Variants in ERMP1 observed in about 807,000 individuals in gnomAD.
ERMP1 encodes endoplasmic reticulum metallopeptidase 1, also known as Felix-ina.
Under a neutral mutation model 92.0 loss-of-function variants are expected in ERMP1, and 86 were observed. That is an observed-to-expected ratio of 0.93 (90% CI 0.79 to 1.12). The LOEUF (loss-of-function observed/expected upper bound fraction) is 1.12, where lower values mean the gene tolerates loss of function less well. Ranked by LOEUF, ERMP1 falls within the 50% of genes most tolerant of loss-of-function variation. The probability of loss-of-function intolerance (pLI) is 0.00; values close to 1 mark genes in which losing one functional copy is unlikely to be tolerated. For synonymous variants in ERMP1, 530 were observed against 412.8 expected, an observed-to-expected ratio of 1.28 and a Z score of -3.44; for missense variants, 1,342 against 1,116.3, an observed-to-expected ratio of 1.20 and a Z score of -2.88.
chr9:5,860,195 C>T (rs1830444437), intron 5 of ERMP1, among the ~76,000 whole-genome samples: 1 of 150,222 alleles, frequency 6.7e-6, no homozygotes, highest in African/African-American at 2.5e-5. Flanking sequence ...GTCCCAGCTA[C>T]TTGGGAGGCT....
chr9:5,863,887 A>G (rs1031574747), intron 5 of ERMP1, among the ~76,000 whole-genome samples: 6 of 152,168 alleles, frequency 3.9e-5, no homozygotes, highest in African/African-American at 1.4e-4. Context: ...ATATTTACCT[A>G]TATCATTTTT....
In ERMP1 at chr9:5,831,105, C is replaced by A. The variant is rs1586826285; in HGVS notation, c.339-77G>T. On this transcript the variant is annotated intron_variant, in intron 1 of 14. Coordinates refer to ENST00000339450, the MANE Select transcript of ERMP1 (RefSeq NM_024896.3). ...GCGTGGGTAACTTTTCCACTACACA[C>A]CCCTTCCTCCCCAAAAAAGCTTAGT... 9 of 1,095,492 alleles carry A rather than the reference C, an allele frequency of 8.2e-6. No individual in the cohort carries two copies. The South Asian group carries it at 9.2e-5, about 11-fold the overall frequency. The allele number at this position is 1,095,492 out of a possible 1,614,324, so 67.9% of individuals were successfully genotyped here.
intron 11 of ERMP1, among the ~76,000 whole-genome samples, chr9:5,799,656 T>C (rs115157791): frequency 5.2e-4 from 79 of 152,352 alleles, no homozygotes; most frequent in African/African-American, 1.8e-3. Flanking sequence ...TTGGGTATAC[T>C]CTGTTGCTGC....
upstream of ERMP1, among the ~76,000 whole-genome samples, chr9:5,835,016 TGTGTGTGTGA>T (rs1196808986): frequency 3.4e-5 from 5 of 148,852 alleles, no homozygotes; most frequent in African/African-American, 1.2e-4. Flanking sequence ...TGTGTGTGTG[TGTGTGTGTGA>T]AAGATCCTCA....
chr9:5,798,723 TG>T, intron 12 of ERMP1, 82 bp downstream of exon 12: 1 of 816,164 alleles, frequency 1.2e-6, no homozygotes, highest in Non-Finnish European at 2.0e-6. Flanking sequence ...TATTAAAGGA[TG>T]GCAGTTTAAA....
At position 5,805,165 on chromosome 9, in the gene ERMP1, A is replaced by G. The variant is rs762242974; in HGVS notation, c.1776T>C (p.Tyr592=). The change falls in exon 10 of 15, where the codon TAT becomes TAC. Residue 592 remains tyrosine (Y), a synonymous_variant. Transcript: ENST00000339450. ...CCCAGATGAGGTACAATGCATAAAG[A>G]TAAGGAATAAACATCCCCAAAAGGT... ...AFYLLGMFIP[Y]LYALYLIWAV... 1.2e-6 allele frequency: 2 copies of G among 1,613,472 alleles called. No individual in the cohort carries two copies. Among genetic ancestry groups the G allele is most frequent in the Non-Finnish European group, 1.7e-6 (2 of 1,179,874 alleles).
intron 13 of ERMP1, among the ~76,000 whole-genome samples, chr9:5,793,762 G>C (rs1175769053): frequency 1.3e-5 from 2 of 152,082 alleles, no homozygotes; most frequent in East Asian, 3.8e-4. Flanking sequence ...TCTTTAATTT[G>C]TATGTAGCTA....
intron 2 of ERMP1, among the ~76,000 whole-genome samples, chr9:5,827,319 A>G (rs1829763477): frequency 6.6e-6 from 1 of 152,216 alleles, no homozygotes; most frequent in East Asian, 1.9e-4. Context: ...CTTGGGCCAC[A>G]TATAAAAGAC....
intron 13 of ERMP1, 53 bp downstream of exon 13, chr9:5,797,764 A>G (rs1828492914): frequency 9.2e-7 from 1 of 1,090,356 alleles, no homozygotes; most frequent in Non-Finnish European, 1.4e-6. Context: ...CATGCCACTT[A>G]TTAACAAGTT....
At chr9:5,789,894 G>A (rs1325966590) in intron 13 of ERMP1, among the ~76,000 whole-genome samples, 1 of 143,550 alleles carries the variant, frequency 7.0e-6, no homozygotes, top group Non-Finnish European at 1.5e-5. Flanking sequence ...GTGTTGCCCA[G>A]GCTGGTCTCG....
At chr9:5,792,486 C>T (rs141280153) in intron 13 of ERMP1, among the ~76,000 whole-genome samples, 1 of 152,292 alleles carries the variant, frequency 6.6e-6, no homozygotes, top group Non-Finnish European at 1.5e-5. Context: ...ATATCTGACA[C>T]TAAAAGTTTT....
intron 6 of ERMP1, among the ~76,000 whole-genome samples, chr9:5,838,300 G>A (rs898326496): frequency 3.9e-5 from 6 of 151,996 alleles, no homozygotes; most frequent in African/African-American, 1.2e-4. Context: ...CCAGCACTTC[G>A]GAAGGTCGAG....
chr9:5,806,982 T>A (rs1260858060), intron 8 of ERMP1, among the ~76,000 whole-genome samples: 1 of 152,166 alleles, frequency 6.6e-6, no homozygotes, highest in Non-Finnish European at 1.5e-5. Flanking sequence ...ATACTTAAGT[T>A]ATTAACACTG....
chr9:5,840,111 G>A (rs574594467), intron 6 of ERMP1, among the ~76,000 whole-genome samples: 30 of 152,264 alleles, frequency 2.0e-4, no homozygotes, highest in African/African-American at 5.1e-4. Flanking sequence ...GCGTGGTGGC[G>A]CAGGCCTGTA....
At chr9:5,820,890 G>C (rs914843732) in intron 4 of ERMP1, among the ~76,000 whole-genome samples, 5 of 152,148 alleles carry the variant, frequency 3.3e-5, no homozygotes, top group Admixed American at 6.5e-5. Flanking sequence ...GTCTTTTGTA[G>C]GCAGTGGCAT....
At chr9:5,793,216 G>A (rs1828277016) in intron 13 of ERMP1, among the ~76,000 whole-genome samples, 2 of 151,852 alleles carry the variant, frequency 1.3e-5, no homozygotes, top group South Asian at 4.2e-4. Flanking sequence ...TTTAAAAGTG[G>A]GCTTGCATAG....
intron 6 of ERMP1, among the ~76,000 whole-genome samples, chr9:5,841,930 G>C (rs1317476532): frequency 6.6e-6 from 1 of 152,184 alleles, no homozygotes. Flanking sequence ...TATCTTCGCA[G>C]TGAGTGTTAC....
rs201237960 is a variant in ERMP1, at chr9:5,787,131, C to T, written c.*13G>A. The T allele has an allele frequency of 8.1e-6, 13 of 1,608,636 alleles. No homozygotes were observed. The highest frequency in any genetic ancestry group is 1.3e-5 in the African/African-American group (1 of 74,846). ...GTATCCACTGGGCATGTACTTAGAG[C>T]TCATCCACAAGATTAAAATACAAAG... On this transcript the variant is annotated 3_prime_UTR_variant, in exon 15 of 15. Coordinates refer to ENST00000339450, the MANE Select transcript of ERMP1 (RefSeq NM_024896.3).
chr9:5,809,117 G>T (rs533386185), intron 8 of ERMP1, among the ~76,000 whole-genome samples: 1 of 152,098 alleles, frequency 6.6e-6, no homozygotes, highest in South Asian at 2.1e-4. Flanking sequence ...CGCCTCCCGG[G>T]TTCACGCCAT....
Sources: allele counts gnomAD v4.1 joint callset (sites outside exome capture counted in the v4.1 genomes callset), GRCh38; gene constraint gnomAD v4.1.1; transcripts MANE v1.5; gene names NCBI Gene and HGNC (gene_info 2026-07-23, HGNC 2026-07-21).